Variants in CCDC192 observed in about 807,000 individuals in gnomAD.
CCDC192 encodes coiled-coil domain-containing protein 192.
intron 3 of CCDC192, among the ~76,000 whole-genome samples, chr5:127,758,688 A>AT (rs975904238): frequency 3.9e-5 from 6 of 152,080 alleles, no homozygotes; most frequent in African/African-American, 9.7e-5. Context: ...TGGGTAATAG[A>AT]TAAAAAAAAG....
chr5:127,855,057 G>A (rs1042479212), intron 5 of CCDC192, among the ~76,000 whole-genome samples: 1 of 152,164 alleles, frequency 6.6e-6, no homozygotes, highest in African/African-American at 2.4e-5. Flanking sequence ...TCTTTTTGCT[G>A]GTGGAGGGCC....
intron 3 of CCDC192, among the ~76,000 whole-genome samples, chr5:127,777,010 C>A (rs994849240): frequency 2.6e-5 from 4 of 152,332 alleles, no homozygotes; most frequent in Non-Finnish European, 5.9e-5. Flanking sequence ...GTGGGAGCCC[C>A]CACACAGAGT....
chr5:127,938,438 C>A (rs997582140), intron 6 of CCDC192, among the ~76,000 whole-genome samples: 6 of 152,184 alleles, frequency 3.9e-5, no homozygotes, highest in Admixed American at 2.6e-4. Context: ...TGCAGGTTAA[C>A]TAGAGCCATC....
chr5:127,872,813 A>C (rs1751916846), intron 5 of CCDC192, among the ~76,000 whole-genome samples: 1 of 152,182 alleles, frequency 6.6e-6, no homozygotes, highest in South Asian at 2.1e-4. Flanking sequence ...AGTCAACTGC[A>C]TGACTGCCCT....
intron 3 of CCDC192, among the ~76,000 whole-genome samples, chr5:127,758,691 A>G (rs1396058622): frequency 2.6e-5 from 4 of 152,162 alleles, no homozygotes; most frequent in Non-Finnish European, 4.4e-5. Context: ...GTAATAGATA[A>G]AAAAAAGGGT....
At chr5:127,873,453 T>C (rs772453769) in intron 5 of CCDC192, among the ~76,000 whole-genome samples, 1 of 152,256 alleles carries the variant, frequency 6.6e-6, no homozygotes, top group Non-Finnish European at 1.5e-5. Flanking sequence ...AATATTTTAC[T>C]ATCTTCGGTT....
At chr5:127,713,162 A>G (rs974276132) in intron 2 of CCDC192, among the ~76,000 whole-genome samples, 1 of 152,058 alleles carries the variant, frequency 6.6e-6, no homozygotes, top group African/African-American at 2.4e-5. Context: ...TGAACCCAGG[A>G]GGCAGAGGTT....
intron 2 of CCDC192, among the ~76,000 whole-genome samples, chr5:127,708,381 A>G (rs1267508502): frequency 6.6e-6 from 1 of 152,222 alleles, no homozygotes; most frequent in Non-Finnish European, 1.5e-5. Context: ...ATGGGTATAC[A>G]GAAGATCATT....
intron 6 of CCDC192, chr5:127,935,171 G>T (rs1019264301): frequency 6.6e-6 from 1 of 152,196 alleles, no homozygotes; most frequent in Non-Finnish European, 1.5e-5. Context: ...ACTCAGTGCT[G>T]CCCCTCCCCT....
chr5:127,916,955 T>C (rs2263502), intron 6 of CCDC192, among the ~76,000 whole-genome samples: 27,141 of 152,214 alleles, frequency 0.18, 6,074 homozygotes, highest in African/African-American at 0.51. Context: ...TAGTCCTAGA[T>C]GGCATCTTCT....
At chr5:127,884,994 A>G (rs1048694006) in intron 6 of CCDC192, among the ~76,000 whole-genome samples, 1 of 152,184 alleles carries the variant, frequency 6.6e-6, no homozygotes. Context: ...TGGGAATTCA[A>G]TGATGTCAAG....
intron 3 of CCDC192, among the ~76,000 whole-genome samples, chr5:127,763,990 A>G (rs1052666808): frequency 6.6e-6 from 1 of 150,848 alleles, no homozygotes; most frequent in Non-Finnish European, 1.5e-5. Flanking sequence ...TCTCTCTCCC[A>G]CCTCCCGCCG....
intron 3 of CCDC192, among the ~76,000 whole-genome samples, chr5:127,778,227 C>G (rs1430638513): frequency 6.6e-6 from 1 of 152,182 alleles, no homozygotes; most frequent in Non-Finnish European, 1.5e-5. Flanking sequence ...CTGTCTTCCA[C>G]CATTGAGTAC....
chr5:127,707,802 C>A, intron 2 of CCDC192, 42 bp downstream of exon 2: 1 of 397,436 alleles, frequency 2.5e-6, no homozygotes, highest in South Asian at 1.3e-4. Context: ...TTAAAAAAAT[C>A]ATTACAGGTA....
intron 2 of CCDC192, among the ~76,000 whole-genome samples, chr5:127,749,392 T>C (rs1343512806): frequency 1.3e-5 from 2 of 152,188 alleles, no homozygotes; most frequent in East Asian, 1.9e-4. Context: ...TGTCTTTGGC[T>C]CTTTTTATAT....
At chr5:127,778,007 TTGTG>T (rs141839653) in intron 3 of CCDC192, among the ~76,000 whole-genome samples, 2 of 150,072 alleles carry the variant, frequency 1.3e-5, no homozygotes, top group African/African-American at 2.4e-5. Flanking sequence ...ATTTATTAGC[TTGTG>T]TGTGTGTGTG....
intron 2 of CCDC192, among the ~76,000 whole-genome samples, chr5:127,732,598 G>A (rs902717882): frequency 3.3e-5 from 5 of 152,180 alleles, no homozygotes; most frequent in Non-Finnish European, 5.9e-5. Context: ...TAACCCAAAT[G>A]TCCATCAATG....
At chr5:127,773,395 C>G (rs752827948) in intron 3 of CCDC192, among the ~76,000 whole-genome samples, 3 of 151,886 alleles carry the variant, frequency 2.0e-5, no homozygotes, top group Non-Finnish European at 4.4e-5. Flanking sequence ...TTTCATCACC[C>G]CAGAAGAACA....
chr5:127,858,697 C>T (rs1751216897), intron 5 of CCDC192, among the ~76,000 whole-genome samples: 1 of 152,186 alleles, frequency 6.6e-6, no homozygotes, highest in South Asian at 2.1e-4. Context: ...GGCATTTACC[C>T]AGTCATAGCA....
Sources: allele counts gnomAD v4.1 joint callset (sites outside exome capture counted in the v4.1 genomes callset), GRCh38; gene constraint gnomAD v4.1.1; transcripts MANE v1.5; gene names NCBI Gene and HGNC (gene_info 2026-07-23, HGNC 2026-07-21).